RP1: variants seen among roughly 807,000 people sequenced by gnomAD.
The protein encoded by RP1 is RP1 axonemal microtubule associated.
RP1 carries 16 observed loss-of-function variants against 14.8 expected under a neutral mutation model. The observed-to-expected ratio is 1.08, with a 90% CI of 0.73 to 1.65. The LOEUF is 1.65. Ranked by LOEUF, RP1 falls within the 40% of genes most tolerant of loss-of-function variation. The pLI is 0.00. For synonymous variants in RP1, 876 were observed against 883.6 expected (o/e 0.99, Z 0.15); for missense variants, 2,631 against 2,535.0 (o/e 1.04, Z -0.81).
intron 12 of RP1, among the ~76,000 whole-genome samples, chr8:54,684,526 T>C (rs1003691328): frequency 6.6e-6 from 1 of 152,180 alleles, no homozygotes; most frequent in Non-Finnish European, 1.5e-5. Flanking sequence ...AGTTTCTTCT[T>C]GGTTCAGTCT....
chr8:54,669,486 A>G (rs1807096299), intron 7 of RP1, among the ~76,000 whole-genome samples: 1 of 152,242 alleles, frequency 6.6e-6, no homozygotes, highest in South Asian at 2.1e-4. Flanking sequence ...TCAAGGATCT[A>G]GAACTAGAAA....
At chr8:54,661,408 G>A (rs1806895813) in intron 6 of RP1, among the ~76,000 whole-genome samples, 1 of 151,146 alleles carries the variant, frequency 6.6e-6, no homozygotes, top group African/African-American at 2.4e-5. Flanking sequence ...GAGTCTGGGA[G>A]GTTGAGGATG....
At chr8:54,719,996 T>C (rs1808496435) in intron 15 of RP1, 1 of 735,866 alleles carries the variant, frequency 1.4e-6, no homozygotes, top group Admixed American at 3.2e-5. Context: ...CAGGGCAATT[T>C]ACGTAAAAAG....
intron 19 of RP1, among the ~76,000 whole-genome samples, chr8:54,742,055 G>A (rs1374814162): frequency 4.0e-5 from 6 of 151,718 alleles, no homozygotes; most frequent in Non-Finnish European, 8.8e-5. Flanking sequence ...ATTGTATGTT[G>A]GACTCCAGAG....
chr8:54,673,530 A>G (rs1288802886), intron 7 of RP1, among the ~76,000 whole-genome samples: 1 of 152,152 alleles, frequency 6.6e-6, no homozygotes, highest in African/African-American at 2.4e-5. Flanking sequence ...GCTTGAACCC[A>G]GGAGTTTGAG....
Position 54,797,157 on chromosome 8 carries a change from C to A in RP1, c.3615+13447C>A, listed in dbSNP as rs80216862. 5.9e-5 allele frequency among the ~76,000 whole-genome samples: 9 copies of A among 152,166 alleles called. No individual in the cohort carries two copies. The South Asian group carries it at 1.0e-3, about 18-fold the overall frequency. On this transcript the variant is annotated intron_variant, in intron 24 of 28. Coordinates refer to the RP1 transcript ENST00000637698. ...ACTGGAGAGACATTTTTGTATGTAA[C>A]ACTGCTGAAGACAGTTGGAGTAAAT...
At chr8:54,782,188 AACT>A (rs1810205440) in intron 23 of RP1, among the ~76,000 whole-genome samples, 1 of 152,174 alleles carries the variant, frequency 6.6e-6, no homozygotes, top group Non-Finnish European at 1.5e-5. Context: ...TTCCCACATG[AACT>A]GTAGTTCCTG....
intron 1 of RP1, among the ~76,000 whole-genome samples, chr8:54,591,743 T>A (rs995090933): frequency 6.6e-6 from 1 of 152,124 alleles, no homozygotes; most frequent in East Asian, 1.9e-4. Context: ...TGGATTAGGC[T>A]GGGTTTATCA....
chr8:54,656,562 T>G (rs1720160310), intron 6 of RP1, among the ~76,000 whole-genome samples: 1 of 152,010 alleles, frequency 6.6e-6, no homozygotes, highest in South Asian at 2.1e-4. Context: ...CCCACTGGGC[T>G]CTGCCTCATT....
chr8:54,859,171 T>C (rs764218654), intron 27 of RP1, among the ~76,000 whole-genome samples: 1 of 151,804 alleles, frequency 6.6e-6, no homozygotes, highest in Non-Finnish European at 1.5e-5. Context: ...TGGAGTGGTA[T>C]CACTGTAGGT....
intron 1 of RP1, among the ~76,000 whole-genome samples, chr8:54,585,322 G>T (rs562988855): frequency 1.3e-5 from 2 of 152,284 alleles, no homozygotes; most frequent in Admixed American, 1.3e-4. Flanking sequence ...TTGAATATTG[G>T]CCTCCTGTCT....
chr8:54,802,065 A>G (rs115680450), intron 24 of RP1, among the ~76,000 whole-genome samples: 4,366 of 152,288 alleles, frequency 0.029, 120 homozygotes, highest in African/African-American at 0.064. Flanking sequence ...CAGATAATAT[A>G]TAACATTTAA....
chr8:54,819,043 CT>C (rs1811196568), intron 24 of RP1, among the ~76,000 whole-genome samples: 1 of 152,072 alleles, frequency 6.6e-6, no homozygotes, highest in Non-Finnish European at 1.5e-5. Context: ...TCATTATAAA[CT>C]TTCTACCCAC....
chr8:54,596,556 T>C (rs187625811), intron 1 of RP1, among the ~76,000 whole-genome samples: 8 of 152,170 alleles, frequency 5.3e-5, no homozygotes, highest in African/African-American at 1.9e-4. Context: ...CTGTTACAAA[T>C]AGGATGGATT....
chr8:54,862,297 A>G (rs1486619552), intron 27 of RP1, among the ~76,000 whole-genome samples: 1 of 152,280 alleles, frequency 6.6e-6, no homozygotes, highest in Middle Eastern at 3.4e-3. Flanking sequence ...AAGAACTTCT[A>G]TTACGTCATA....
intron 15 of RP1, chr8:54,706,785 T>G: frequency 1.1e-6 from 1 of 886,466 alleles, no homozygotes; most frequent in African/African-American, 1.7e-5. Context: ...TGACTGGTAT[T>G]TTTAATAAGT....
intron 1 of RP1, among the ~76,000 whole-genome samples, chr8:54,593,708 G>A (rs1805085805): frequency 6.6e-6 from 1 of 152,186 alleles, no homozygotes. Flanking sequence ...GCTGTAAAGG[G>A]TAGGGCCGTC....
chr8:54,809,547 C>A (rs537798982), intron 24 of RP1, among the ~76,000 whole-genome samples: 1 of 152,104 alleles, frequency 6.6e-6, no homozygotes, highest in Non-Finnish European at 1.5e-5. Flanking sequence ...CAAACAAATT[C>A]TCTGTATGTA....
intron 15 of RP1, among the ~76,000 whole-genome samples, chr8:54,716,869 G>A (rs145578964): frequency 6.6e-6 from 1 of 152,286 alleles, no homozygotes; most frequent in East Asian, 1.9e-4. Context: ...TCTAAGGGGA[G>A]TGTGTAAGTT....
Sources: allele counts gnomAD v4.1 joint callset (sites outside exome capture counted in the v4.1 genomes callset), GRCh38; gene constraint gnomAD v4.1.1; transcripts MANE v1.5; gene names NCBI Gene and HGNC (gene_info 2026-07-23, HGNC 2026-07-21).